DPYD: variants seen among roughly 807,000 people sequenced by gnomAD.
DPYD encodes the protein dihydropyrimidine dehydrogenase [NADP(+)].
In DPYD, 109 loss-of-function variants were observed where a neutral mutation model predicts 116.2. The ratio of observed to expected loss-of-function variants is 0.94; its 90% CI spans 0.80 to 1.10. DPYD has a LOEUF of 1.10. DPYD is among the 50% of genes least tolerant of loss of function. DPYD has a pLI of 0.00. For synonymous variants in DPYD, 440 were observed against 432.0 expected, an observed-to-expected ratio of 1.02 and a Z score of -0.23; for missense variants, 1,302 against 1,254.5, an observed-to-expected ratio of 1.04 and a Z score of -0.57.
At chr1:97,598,075 T>C (rs1172857853) in intron 8 of DPYD, among the ~76,000 whole-genome samples, 1 of 152,172 alleles carries the variant, frequency 6.6e-6, no homozygotes, top group Admixed American at 6.6e-5. Context: ...TAGCTATTAA[T>C]ATTAAGATAG....
chr1:97,545,668 G>C (rs1453252090), intron 12 of DPYD: 2 of 676,630 alleles, frequency 3.0e-6, no homozygotes, highest in African/African-American at 3.6e-5. Context: ...TTACACAGCA[G>C]GAGGTAAGAT....
chr1:97,083,369 T>G (rs1019772823), intron 21 of DPYD, among the ~76,000 whole-genome samples: 4 of 152,124 alleles, frequency 2.6e-5, no homozygotes, highest in Admixed American at 6.6e-5. Context: ...TCTTTCCATA[T>G]TCTCTTTGGT....
intron 8 of DPYD, among the ~76,000 whole-genome samples, chr1:97,671,212 C>G (rs532086085): frequency 3.9e-5 from 6 of 151,966 alleles, no homozygotes; most frequent in African/African-American, 1.4e-4. Flanking sequence ...TTAATCAATA[C>G]TTCAACAGAT....
At chr1:97,110,685 A>G (rs2101622821) in intron 20 of DPYD, among the ~76,000 whole-genome samples, 1 of 151,924 alleles carries the variant, frequency 6.6e-6, no homozygotes, top group South Asian at 2.1e-4. Flanking sequence ...TCACACCTTC[A>G]CCTCCTATTC....
intron 2 of DPYD, among the ~76,000 whole-genome samples, chr1:97,872,480 T>G (rs1262304680): frequency 1.3e-5 from 2 of 151,970 alleles, no homozygotes; most frequent in African/African-American, 4.8e-5. Flanking sequence ...AAATAAATAA[T>G]TAAAGCAAAG....
chr1:97,126,637 A>G (rs1652863620), intron 20 of DPYD, among the ~76,000 whole-genome samples: 1 of 152,278 alleles, frequency 6.6e-6, no homozygotes, highest in South Asian at 2.1e-4. Flanking sequence ...ACTCATTCTT[A>G]GTATTTACTA....
At chr1:97,750,501 A>T (rs547088713) in intron 3 of DPYD, among the ~76,000 whole-genome samples, 2 of 152,324 alleles carry the variant, frequency 1.3e-5, no homozygotes, top group East Asian at 3.9e-4. Context: ...TTTTTGCAAT[A>T]AGTAAGTATA....
chr1:97,322,358 G>C lies in DPYD; in HGVS notation c.2059-16061C>G, dbSNP rs551177816. ...ATTTTGTTTGTTTGTTTGTTTGCTT[G>C]CTTGTTTTTGCCAGCTCTGTGGACT... On this transcript the variant is annotated intron_variant, in intron 16 of 22. Transcript: ENST00000370192. 6.0e-4 allele frequency among the ~76,000 whole-genome samples: 91 copies of C among 151,986 alleles called. 2 individuals are homozygous for C. The highest frequency in any genetic ancestry group is 2.1e-3 in the African/African-American group (88 of 41,504).
chr1:97,811,839 A>AT (rs1668363532), intron 3 of DPYD, among the ~76,000 whole-genome samples: 1 of 152,018 alleles, frequency 6.6e-6, no homozygotes, highest in East Asian at 1.9e-4. Context: ...ATACCCTTTA[A>AT]TTATCAATCA....
intron 13 of DPYD, among the ~76,000 whole-genome samples, chr1:97,457,065 G>A (rs1676729006): frequency 6.6e-6 from 1 of 152,078 alleles, no homozygotes; most frequent in African/African-American, 2.4e-5. Context: ...TGAACTGATG[G>A]AATGGATAGA....
intron 13 of DPYD, among the ~76,000 whole-genome samples, chr1:97,507,376 A>G (rs1214328447): frequency 6.6e-6 from 1 of 152,008 alleles, no homozygotes; most frequent in East Asian, 1.9e-4. Context: ...CAATAAATAG[A>G]AAATAATCAT....
chr1:97,122,766 C>T (rs1652548653), intron 20 of DPYD, among the ~76,000 whole-genome samples: 2 of 152,176 alleles, frequency 1.3e-5, no homozygotes, highest in South Asian at 2.1e-4. Context: ...TTACTCTATC[C>T]CTTCAGTTAA....
At chr1:97,473,579 A>G (rs1038574379) in intron 13 of DPYD, among the ~76,000 whole-genome samples, 2 of 152,224 alleles carry the variant, frequency 1.3e-5, no homozygotes, top group African/African-American at 4.8e-5. Context: ...CAAAGTCACA[A>G]TGAGCTATCA....
intron 14 of DPYD, among the ~76,000 whole-genome samples, chr1:97,397,599 A>AG (rs1553169347): frequency 2.6e-5 from 4 of 151,984 alleles, no homozygotes; most frequent in Non-Finnish European, 5.9e-5. Context: ...CCAGAATGTC[A>AG]TATAATTGGA....
At chr1:97,887,727 C>A (rs1672577946) in intron 1 of DPYD, among the ~76,000 whole-genome samples, 1 of 151,794 alleles carries the variant, frequency 6.6e-6, no homozygotes, top group Non-Finnish European at 1.5e-5. Flanking sequence ...AGCTGCATCC[C>A]CACCCAAATC....
At chr1:97,757,738 A>G (rs1665328295) in intron 3 of DPYD, among the ~76,000 whole-genome samples, 1 of 152,190 alleles carries the variant, frequency 6.6e-6, no homozygotes, top group African/African-American at 2.4e-5. Flanking sequence ...AATACAGAAT[A>G]TAAAGTATTT....
At position 97,789,879 on chromosome 1, in the gene DPYD, A is replaced by G. The variant is rs377047043; in HGVS notation, c.233+38235T>C. Among the ~76,000 whole-genome samples the G allele has an allele frequency of 5.3e-5, 8 of 152,308 alleles. No individual in the cohort carries two copies. The East Asian group carries it at 5.8e-4, about 11-fold the overall frequency. Reference sequence around the variant, plus strand: ...GTTATTAGCATGCAGCTTTAACACAATATGATTAATTTATATACTGCTTTA... The same window carrying G: ...GTTATTAGCATGCAGCTTTAACACAGTATGATTAATTTATATACTGCTTTA... On this transcript the variant is annotated intron_variant, in intron 3 of 22. Transcript: ENST00000370192.
intron 20 of DPYD, among the ~76,000 whole-genome samples, chr1:97,130,931 CTCTA>C (rs71071635): frequency 0.17 from 23,438 of 136,578 alleles, 2,086 homozygotes; most frequent in East Asian, 0.32. Flanking sequence ...CTTTCTCTCT[CTCTA>C]TCTATCTATC....
At chr1:97,357,181 T>C (rs1282791626) in intron 16 of DPYD, among the ~76,000 whole-genome samples, 1 of 152,230 alleles carries the variant, frequency 6.6e-6, no homozygotes, top group African/African-American at 2.4e-5. Flanking sequence ...TGTATCTTTT[T>C]CAATTGCTTT....
Sources: allele counts gnomAD v4.1 joint callset (sites outside exome capture counted in the v4.1 genomes callset), GRCh38; gene constraint gnomAD v4.1.1; transcripts MANE v1.5; gene names NCBI Gene and HGNC (gene_info 2026-07-23, HGNC 2026-07-21).